Variants in SMC5 observed in about 807,000 individuals in gnomAD.
SMC5 encodes structural maintenance of chromosomes 5, also known as structural maintenance of chromosomes protein 5.
A neutral mutation model predicts 148.3 loss-of-function variants in SMC5; 88 were observed. The observed-to-expected ratio is 0.59, with a 90% CI of 0.50 to 0.71. SMC5 has a LOEUF of 0.71. Ranked by LOEUF, SMC5 falls within the 30% of genes least tolerant of loss-of-function variation. The pLI, the probability that SMC5 is intolerant of heterozygous loss-of-function variation, is 0.00. For synonymous variants in SMC5, 421 were observed against 432.8 expected, an observed-to-expected ratio of 0.97 and a Z score of 0.34; for missense variants, 1,142 against 1,298.9, an observed-to-expected ratio of 0.88 and a Z score of 1.86.
intron 11 of SMC5, among the ~76,000 whole-genome samples, chr9:70,307,796 G>T (rs909205805): frequency 1.3e-5 from 2 of 152,054 alleles, no homozygotes; most frequent in African/African-American, 4.8e-5. Flanking sequence ...GAACCACCAC[G>T]CCCGGTCAAT....
chr9:70,313,478 G>A (rs1356030442), intron 11 of SMC5, among the ~76,000 whole-genome samples: 1 of 151,786 alleles, frequency 6.6e-6, no homozygotes, highest in Non-Finnish European at 1.5e-5. Flanking sequence ...ATGCTTAGTA[G>A]TTGTTTTTTT....
chr9:70,270,287 G>C (rs965035731), intron 3 of SMC5, among the ~76,000 whole-genome samples: 1 of 152,190 alleles, frequency 6.6e-6, no homozygotes, highest in Non-Finnish European at 1.5e-5. Context: ...AATACAGGGC[G>C]AGGTCTGGAA....
At chr9:70,345,306 C>T (rs963232063) in intron 18 of SMC5, among the ~76,000 whole-genome samples, 1 of 151,920 alleles carries the variant, frequency 6.6e-6, no homozygotes, top group African/African-American at 2.4e-5. Context: ...TTGTACAAGA[C>T]AGACATACTT....
At chr9:70,335,244 C>A (rs1051030624) in intron 17 of SMC5, among the ~76,000 whole-genome samples, 1 of 152,158 alleles carries the variant, frequency 6.6e-6, no homozygotes, top group African/African-American at 2.4e-5. Flanking sequence ...ATAATCCCAG[C>A]ACTTTAGGAG....
chr9:70,335,258 A>G (rs1036766224), intron 17 of SMC5, among the ~76,000 whole-genome samples: 5 of 152,180 alleles, frequency 3.3e-5, no homozygotes, highest in African/African-American at 1.2e-4. Flanking sequence ...TTAGGAGGCC[A>G]AGGCAGGAGA....
At chr9:70,281,748 C>A (rs148865221) in intron 6 of SMC5, among the ~76,000 whole-genome samples, 1 of 152,124 alleles carries the variant, frequency 6.6e-6, no homozygotes, top group African/African-American at 2.4e-5. Context: ...TTCCTTTCTT[C>A]GGCTTTTCTA....
At chr9:70,295,301 TA>T (rs11320419) in intron 8 of SMC5, among the ~76,000 whole-genome samples, 128,732 of 149,020 alleles carry the variant, frequency 0.86, 55,794 homozygotes, top group Non-Finnish European at 0.91. Context: ...CTGTCTCTAC[TA>T]AAAAAAAAAA....
chr9:70,307,221 T>C lies in SMC5; in HGVS notation c.1578+1861T>C, dbSNP rs150922837. On this transcript the variant is annotated intron_variant, in intron 11 of 24. Coordinates refer to ENST00000361138, the MANE Select transcript of SMC5 (RefSeq NM_015110.4). ...CAGCCTGGCCAATGTGGTGAAACCC[T>C]GTCTCTGCTACACATACAAAAATTA... Among the ~76,000 whole-genome samples, 598 of 152,242 alleles carry C rather than the reference T, an allele frequency of 3.9e-3. 3 individuals carry two copies. The highest frequency in any genetic ancestry group is 0.013 in the African/African-American group (553 of 41,558).
intron 17 of SMC5, among the ~76,000 whole-genome samples, chr9:70,330,184 T>C (rs1241955152): frequency 6.6e-6 from 1 of 152,180 alleles, no homozygotes; most frequent in African/African-American, 2.4e-5. Flanking sequence ...AAAACAGGGT[T>C]TCTCACCTCA....
At chr9:70,300,432 T>G (rs911258247) in intron 10 of SMC5, among the ~76,000 whole-genome samples, 1 of 152,038 alleles carries the variant, frequency 6.6e-6, no homozygotes, top group African/African-American at 2.4e-5. Flanking sequence ...ACTGGCAACT[T>G]ATTGACCTAG....
chr9:70,296,314 C>T (rs982370126), intron 8 of SMC5, among the ~76,000 whole-genome samples: 7 of 152,074 alleles, frequency 4.6e-5, no homozygotes, highest in East Asian at 3.9e-4. Flanking sequence ...GGCATTAAAA[C>T]GTAAAAGTTT....
chr9:70,339,619 T>A (rs1564069636), intron 17 of SMC5, among the ~76,000 whole-genome samples: 1 of 152,186 alleles, frequency 6.6e-6, no homozygotes, highest in African/African-American at 2.4e-5. Flanking sequence ...AAATTTTTTT[T>A]TCCTACTTGT....
intron 10 of SMC5, among the ~76,000 whole-genome samples, chr9:70,301,603 T>C (rs1411806049): frequency 6.6e-6 from 1 of 152,134 alleles, no homozygotes. Context: ...ACAATTCCAA[T>C]CTAGAATTGG....
intron 12 of SMC5, 97 bp downstream of exon 12, chr9:70,314,933 A>C: frequency 1.3e-6 from 1 of 765,614 alleles, no homozygotes; most frequent in Non-Finnish European, 2.0e-6. Flanking sequence ...ATTTCCTTTT[A>C]AGATCTCTTA....
chr9:70,337,281 C>A (rs1014812106), intron 17 of SMC5, among the ~76,000 whole-genome samples: 1 of 152,136 alleles, frequency 6.6e-6, no homozygotes, highest in Non-Finnish European at 1.5e-5. Flanking sequence ...AGTATGAAAT[C>A]AATGGCTTTG....
intron 3 of SMC5, among the ~76,000 whole-genome samples, chr9:70,270,287 G>A (rs965035731): frequency 4.4e-4 from 67 of 152,308 alleles, no homozygotes; most frequent in African/African-American, 1.5e-3. Context: ...AATACAGGGC[G>A]AGGTCTGGAA....
chr9:70,350,194 T>C lies in SMC5; in HGVS notation c.2970T>C (p.His990=). 1.2e-6 allele frequency: 2 copies of C among 1,613,544 alleles called. No homozygotes were observed. Among genetic ancestry groups the C allele is most frequent in the Non-Finnish European group, 8.5e-7 (1 of 1,179,684 alleles). The change falls in exon 23 of 25, where the codon CAT becomes CAC. Residue 990 remains histidine, a synonymous_variant. Transcript: ENST00000361138. Reference sequence around the variant, plus strand: ...AACTGCATGAATTAACTCCTCATCATCAAAGTGGAGGTGAAAGAAGTGTTT... The same window carrying C: ...AACTGCATGAATTAACTCCTCATCACCAAAGTGGAGGTGAAAGAAGTGTTT... ...STQLHELTPH[H]QSGGERSVST...
intron 18 of SMC5, 186 bp downstream of exon 18, chr9:70,344,455 T>C: frequency 4.0e-6 from 1 of 251,620 alleles, no homozygotes; most frequent in Non-Finnish European, 7.6e-6. Flanking sequence ...TCAATGGTAT[T>C]GGTACTATAA....
intron 8 of SMC5, among the ~76,000 whole-genome samples, chr9:70,296,806 C>T (rs2035214546): frequency 6.6e-6 from 1 of 151,966 alleles, no homozygotes; most frequent in African/African-American, 2.4e-5. Flanking sequence ...TGTGTGTGTC[C>T]TAAAGAAAAT....
Sources: allele counts gnomAD v4.1 joint callset (sites outside exome capture counted in the v4.1 genomes callset), GRCh38; gene constraint gnomAD v4.1.1; transcripts MANE v1.5; gene names NCBI Gene and HGNC (gene_info 2026-07-23, HGNC 2026-07-21).